ADAM12: variants seen among roughly 807,000 people sequenced by gnomAD.
The protein encoded by ADAM12 is ADAM metallopeptidase domain 12.
In ADAM12, 70 loss-of-function variants were observed where a neutral mutation model predicts 106.4. That is an observed-to-expected ratio of 0.66 (90% CI 0.54 to 0.80). ADAM12 has a LOEUF of 0.80. Ranked by LOEUF, ADAM12 falls within the 30% of genes least tolerant of loss-of-function variation. ADAM12 has a pLI of 0.00. For missense variants in ADAM12, 1,010 were observed against 1,171.9 expected, an observed-to-expected ratio of 0.86 and a Z score of 2.02; for synonymous variants, 420 against 433.5, an observed-to-expected ratio of 0.97 and a Z score of 0.39.
intron 3 of ADAM12, among the ~76,000 whole-genome samples, chr10:126,257,665 G>T (rs181568650): frequency 3.0e-4 from 46 of 152,198 alleles, no homozygotes; most frequent in African/African-American, 1.1e-3. Flanking sequence ...TACTACAATC[G>T]CTTCATGAAA....
intron 19 of ADAM12, among the ~76,000 whole-genome samples, chr10:126,038,959 T>TC (rs1954108165): frequency 1.6e-5 from 2 of 127,012 alleles, no homozygotes; most frequent in East Asian, 2.2e-4. Flanking sequence ...TTTCTTTTTT[T>TC]TTTTTTTTTT....
intron 11 of ADAM12, among the ~76,000 whole-genome samples, chr10:126,084,404 A>G (rs893167337): frequency 9.9e-5 from 15 of 152,194 alleles, no homozygotes; most frequent in African/African-American, 2.7e-4. Context: ...ATTGCAAGAA[A>G]TGACTGCTGA....
intron 11 of ADAM12, among the ~76,000 whole-genome samples, chr10:126,087,905 C>G (rs1955387612): frequency 6.6e-6 from 1 of 152,262 alleles, no homozygotes; most frequent in East Asian, 1.9e-4. Flanking sequence ...AGTTTTCCCA[C>G]AGTATGAGGT....
chr10:126,079,692 A>G (rs1955175439), intron 11 of ADAM12, among the ~76,000 whole-genome samples: 1 of 152,218 alleles, frequency 6.6e-6, no homozygotes, highest in Non-Finnish European at 1.5e-5. Context: ...AATGCAATCT[A>G]GACTCACCAT....
chr10:126,351,415 T>A (rs979093456), intron 1 of ADAM12, among the ~76,000 whole-genome samples: 1 of 152,172 alleles, frequency 6.6e-6, no homozygotes, highest in African/African-American at 2.4e-5. Flanking sequence ...TGGATCCCTG[T>A]CTGAAGCCTC....
At chr10:126,097,608 C>CT (rs1339963332) in intron 10 of ADAM12, among the ~76,000 whole-genome samples, 1 of 152,180 alleles carries the variant, frequency 6.6e-6, no homozygotes, top group Non-Finnish European at 1.5e-5. Flanking sequence ...GGGCAGGGTT[C>CT]TATTTGTTTA....
intron 3 of ADAM12, among the ~76,000 whole-genome samples, chr10:126,231,732 T>C (rs1325617757): frequency 6.6e-6 from 1 of 152,198 alleles, no homozygotes. Context: ...GGTCCTGAAC[T>C]GCCTCCTGCC....
chr10:126,096,234 C>A (rs73378603), intron 10 of ADAM12, among the ~76,000 whole-genome samples: 7 of 152,134 alleles, frequency 4.6e-5, no homozygotes, highest in African/African-American at 1.7e-4. Context: ...AAGGAATTCA[C>A]CCTTAAAAAA....
chr10:126,044,825 G>A (rs529747444), intron 17 of ADAM12, among the ~76,000 whole-genome samples: 1 of 152,216 alleles, frequency 6.6e-6, no homozygotes, highest in Non-Finnish European at 1.5e-5. Flanking sequence ...TACGTCAAAT[G>A]TAAGTGTCTT....
At chr10:126,370,011 T>A (rs1394852622) in intron 1 of ADAM12, among the ~76,000 whole-genome samples, 1 of 152,198 alleles carries the variant, frequency 6.6e-6, no homozygotes, top group Non-Finnish European at 1.5e-5. Flanking sequence ...GCTTCTATAT[T>A]GGAGAGAATA....
rs147280261 is a variant in ADAM12, at chr10:126,107,071, T to C, written c.741+1522A>G. ...GAGCATGCATGTACACAAACACACATACATGCATGCAGGGCACACACACGT... is the reference window on the plus strand; with the variant it reads ...GAGCATGCATGTACACAAACACACACACATGCATGCAGGGCACACACACGT... On this transcript the variant is annotated intron_variant, in intron 8 of 22. Coordinates refer to ENST00000448723, the MANE Select transcript of ADAM12 (RefSeq NM_001288973.2). Among the ~76,000 whole-genome samples, 35 of 152,174 alleles carry C rather than the reference T, an allele frequency of 2.3e-4. No individual in the cohort carries two copies. The East Asian group carries it at 5.0e-3, about 22-fold the overall frequency.
intron 8 of ADAM12, among the ~76,000 whole-genome samples, chr10:126,102,026 TGGCC>T (rs1955678150): frequency 6.6e-6 from 1 of 152,184 alleles, no homozygotes; most frequent in South Asian, 2.1e-4. Flanking sequence ...CTTCAGCCTA[TGGCC>T]CATACCTGAC....
At chr10:126,071,443 CT>C in intron 12 of ADAM12, 33 bp downstream of exon 12, 1 of 1,605,100 alleles carries the variant, frequency 6.2e-7, no homozygotes, top group Admixed American at 1.7e-5. Context: ...GGATACAAGT[CT>C]TCTTGTATCC....
At chr10:126,051,477 C>T (rs1954483680) in intron 14 of ADAM12, among the ~76,000 whole-genome samples, 1 of 151,502 alleles carries the variant, frequency 6.6e-6, no homozygotes, top group South Asian at 2.1e-4. Context: ...ATCCATCCGT[C>T]CAGCCAGCCA....
At chr10:126,042,435 T>C (rs578196605) in intron 18 of ADAM12, among the ~76,000 whole-genome samples, 2 of 152,198 alleles carry the variant, frequency 1.3e-5, no homozygotes, top group South Asian at 2.1e-4. Flanking sequence ...GAGATCACAT[T>C]AGGCAAATTA....
rs55789966 is a variant in ADAM12, at chr10:126,016,437, C to T, written c.*842G>A. The T allele has an allele frequency of 7.5e-3, 1,135 of 152,310 alleles. 92 individuals are homozygous for T. The East Asian group carries it at 0.19, about 25-fold the overall frequency. The allele number at this position is 152,310 out of a possible 1,614,324, so 9.4% of individuals were successfully genotyped here. A position where few individuals can be genotyped will look rare whatever the true frequency, so the allele number is the denominator to read the frequency against. ...CAGTGCCTGGGCAGTAGGTTTCTTA[C>T]AGAAACACCACCTTTCCCAAGCTAA... On this transcript the variant is annotated 3_prime_UTR_variant, in exon 23 of 23. Coordinates refer to ENST00000448723, the MANE Select transcript of ADAM12 (RefSeq NM_001288973.2).
chr10:126,300,339 CAG>C (rs1411684189), intron 2 of ADAM12, among the ~76,000 whole-genome samples: 3 of 152,284 alleles, frequency 2.0e-5, no homozygotes, highest in African/African-American at 4.8e-5. Context: ...CACTGATAAA[CAG>C]GGGGGAAGAG....
chr10:126,302,871 C>T (rs190211964), intron 2 of ADAM12, among the ~76,000 whole-genome samples: 181 of 152,230 alleles, frequency 1.2e-3, no homozygotes, highest in Non-Finnish European at 2.2e-3. Context: ...GACTTTAGTA[C>T]TTCCAGTTTT....
At chr10:126,074,866 C>T (rs967825689) in intron 11 of ADAM12, among the ~76,000 whole-genome samples, 2 of 152,162 alleles carry the variant, frequency 1.3e-5, no homozygotes, top group African/African-American at 2.4e-5. Flanking sequence ...TCTCAGGGCT[C>T]CTTTCCACAT....
Sources: gnomAD v4.1 joint callset for allele counts (sites outside exome capture counted in the v4.1 genomes callset) on GRCh38, gnomAD v4.1.1 for gene constraint, MANE v1.5 for transcripts, NCBI Gene and HGNC (gene_info 2026-07-23, HGNC 2026-07-21) for gene names.